BTBD10: variants seen among roughly 807,000 people sequenced by gnomAD.
BTBD10 encodes the protein BTB domain containing 10.
A neutral mutation model predicts 53.2 loss-of-function variants in BTBD10; 21 were observed. The ratio of observed to expected loss-of-function variants is 0.39; its 90% CI spans 0.28 to 0.57. The LOEUF is 0.57. Among genes scored for constraint, BTBD10 ranks in the 20% least tolerant of loss-of-function variants. The pLI, the probability that BTBD10 is intolerant of heterozygous loss-of-function variation, is 0.53. For missense variants in BTBD10, 360 were observed against 594.7 expected (o/e 0.61, Z 4.10); for synonymous variants, 149 against 192.7 (o/e 0.77, Z 1.88).
intron 1 of BTBD10, among the ~76,000 whole-genome samples, chr11:13,455,276 A>C (rs756831804): frequency 2.0e-4 from 31 of 152,238 alleles, no homozygotes; most frequent in Non-Finnish European, 4.0e-4. Context: ...AAGTCAGCTC[A>C]GTCAACCCTT....
rs1021196522 is a variant in BTBD10 at position 13,388,105 on chromosome 11, T to G, written c.*726A>C. The G allele has an allele frequency of 4.6e-5, 7 of 152,682 alleles. No homozygotes were observed. The East Asian group carries it at 1.3e-3, about 29-fold the overall frequency. 9.5% of individuals were successfully genotyped at this position (152,682 alleles called of 1,614,324 possible). A position where few individuals can be genotyped will look rare whatever the true frequency, so the allele number is the denominator to read the frequency against. ...GAAGAGCAAACACTTCATTTTCCTA[T>G]CCCATAACTCTTAAGAAAAAAAAAG... On this transcript the variant is annotated 3_prime_UTR_variant, in exon 9 of 9. Coordinates refer to ENST00000278174, the MANE Select transcript of BTBD10 (RefSeq NM_032320.7).
chr11:13,398,839 ATTCTT>A (rs1463701444), intron 8 of BTBD10, among the ~76,000 whole-genome samples: 1 of 152,154 alleles, frequency 6.6e-6, no homozygotes, highest in African/African-American at 2.4e-5. Flanking sequence ...TGGGTTGAAA[ATTCTT>A]TTCTTTAAGA....
intron 5 of BTBD10, among the ~76,000 whole-genome samples, chr11:13,415,123 T>C (rs899337239): frequency 2.0e-5 from 3 of 149,246 alleles, no homozygotes; most frequent in African/African-American, 7.4e-5. Flanking sequence ...TTTTTTTTTT[T>C]TTTTTTCTGA....
intron 4 of BTBD10, among the ~76,000 whole-genome samples, chr11:13,418,340 C>T (rs992403765): frequency 6.6e-5 from 10 of 152,018 alleles, no homozygotes; most frequent in African/African-American, 2.4e-4. Context: ...ATCATTTAAA[C>T]TTTTTACAAA....
rs960664804 is a variant in BTBD10, at chr11:13,389,251, A to G, written c.1118-110T>C. 24 of 858,052 alleles carry G rather than the reference A, an allele frequency of 2.8e-5. No individual in the cohort carries two copies. The African/African-American group carries it at 3.8e-4, about 13-fold the overall frequency. The allele number at this position is 858,052 out of a possible 1,614,324, so 53.2% of individuals were successfully genotyped here. A position where few individuals can be genotyped will look rare whatever the true frequency, so the allele number is the denominator to read the frequency against. ...GATCCTAAAGAAACAAATTTAAAAC[A>G]AAGAAGTGAAAACAATATTCCATCC... On this transcript the variant is annotated intron_variant, in intron 8 of 8. Coordinates refer to ENST00000278174, the MANE Select transcript of BTBD10 (RefSeq NM_032320.7).
intron 1 of BTBD10, among the ~76,000 whole-genome samples, chr11:13,451,756 A>C (rs911489624): frequency 2.6e-5 from 4 of 152,204 alleles, no homozygotes; most frequent in African/African-American, 9.6e-5. Flanking sequence ...ACAGAAACTG[A>C]CTCCAAGTTG....
chr11:13,443,693 C>T (rs1172082948), intron 2 of BTBD10, among the ~76,000 whole-genome samples: 4 of 151,892 alleles, frequency 2.6e-5, no homozygotes, highest in Non-Finnish European at 5.9e-5. Context: ...AAGGAATTCT[C>T]GTGCCTCAAC....
At chr11:13,430,459 G>A (rs1591144413) in intron 2 of BTBD10, among the ~76,000 whole-genome samples, 1 of 152,236 alleles carries the variant, frequency 6.6e-6, no homozygotes, top group Non-Finnish European at 1.5e-5. Context: ...AACTGTTTCG[G>A]AGAAGAGATT....
intron 8 of BTBD10, among the ~76,000 whole-genome samples, chr11:13,398,367 C>G (rs1010985126): frequency 2.0e-5 from 3 of 151,868 alleles, no homozygotes; most frequent in African/African-American, 7.3e-5. Context: ...ATTGAAACCC[C>G]TGCCTTTTTT....
chr11:13,447,880 T>C (rs1252486134), intron 1 of BTBD10, among the ~76,000 whole-genome samples: 1 of 152,178 alleles, frequency 6.6e-6, no homozygotes, highest in Non-Finnish European at 1.5e-5. Flanking sequence ...ACTATGCCTA[T>C]GTTTGCCTAC....
chr11:13,410,880 G>A (rs1460265955), intron 6 of BTBD10, among the ~76,000 whole-genome samples: 1 of 152,188 alleles, frequency 6.6e-6, no homozygotes, highest in Admixed American at 6.5e-5. Context: ...ACACAAAAGT[G>A]TGAATAAATG....
At chr11:13,398,613 A>G (rs1214197104) in intron 8 of BTBD10, among the ~76,000 whole-genome samples, 3 of 152,194 alleles carry the variant, frequency 2.0e-5, no homozygotes, top group Admixed American at 6.5e-5. Context: ...TTTGTTCATT[A>G]GTTGATGCAG....
At chr11:13,459,066 T>TTATTTA (rs1565277547) in intron 1 of BTBD10, among the ~76,000 whole-genome samples, 2 of 148,894 alleles carry the variant, frequency 1.3e-5, no homozygotes, top group African/African-American at 4.9e-5. Flanking sequence ...TTATTTTTTT[T>TTATTTA]TTTTTTTTGA....
intron 2 of BTBD10, among the ~76,000 whole-genome samples, chr11:13,433,020 T>C (rs1007710731): frequency 1.8e-4 from 27 of 152,122 alleles, no homozygotes; most frequent in African/African-American, 6.0e-4. Context: ...AAAAACTATA[T>C]ATAGCTCTGT....
intron 8 of BTBD10, among the ~76,000 whole-genome samples, chr11:13,398,371 C>G (rs1404132130): frequency 5.3e-5 from 8 of 151,636 alleles, no homozygotes; most frequent in Non-Finnish European, 1.2e-4. Flanking sequence ...AAACCCCTGC[C>G]TTTTTTTGTT....
chr11:13,409,420 A>G (rs950505172), intron 6 of BTBD10, among the ~76,000 whole-genome samples: 2 of 152,158 alleles, frequency 1.3e-5, no homozygotes, highest in African/African-American at 4.8e-5. Context: ...TTCATACTGA[A>G]TCCCCAAAAC....
chr11:13,394,868 G>C (rs1949500187), intron 8 of BTBD10, among the ~76,000 whole-genome samples: 2 of 151,902 alleles, frequency 1.3e-5, no homozygotes, highest in African/African-American at 4.8e-5. Context: ...CAAAGGACAT[G>C]AACTCATCAT....
chr11:13,403,151 T>A lies in BTBD10; in HGVS notation c.1117+17A>T, dbSNP rs771085287. The A allele has an allele frequency of 7.3e-7, 1 of 1,366,896 alleles. No individual in the cohort carries two copies. The highest frequency in any genetic ancestry group is 1.4e-5 in the South Asian group (1 of 73,892). 84.7% of individuals were successfully genotyped at this position (1,366,896 alleles called of 1,614,324 possible). ...TTTTAAAAAGAAAACTAATAGAAAATAATGAAAATGTCTTACCTTCTATTC... is the reference window on the plus strand; with the variant it reads ...TTTTAAAAAGAAAACTAATAGAAAAAAATGAAAATGTCTTACCTTCTATTC... On this transcript the variant is annotated intron_variant, in intron 8 of 8. Transcript: ENST00000278174.
intron 8 of BTBD10, among the ~76,000 whole-genome samples, chr11:13,399,901 T>A (rs1411685816): frequency 6.6e-6 from 1 of 152,192 alleles, no homozygotes; most frequent in Non-Finnish European, 1.5e-5. Flanking sequence ...TGATCGTTCC[T>A]CTGGAAGTTT....
Sources: gnomAD v4.1 joint callset for allele counts (sites outside exome capture counted in the v4.1 genomes callset) on GRCh38, gnomAD v4.1.1 for gene constraint, MANE v1.5 for transcripts, NCBI Gene and HGNC (gene_info 2026-07-23, HGNC 2026-07-21) for gene names.